FGF12: variants seen among roughly 807,000 people sequenced by gnomAD.
FGF12 encodes the protein fibroblast growth factor 12B.
Under a neutral mutation model 23.6 loss-of-function variants are expected in FGF12, and 14 were observed. That is an observed-to-expected ratio of 0.59 (90% CI 0.39 to 0.93). The LOEUF (loss-of-function observed/expected upper bound fraction) is 0.93. FGF12 is among the 40% of genes least tolerant of loss of function. FGF12 has a pLI of 0.00. For synonymous variants in FGF12, 62 were observed against 77.3 expected (o/e 0.80, Z 1.04); for missense variants, 175 against 217.8 (o/e 0.80, Z 1.24).
intron 2 of FGF12, among the ~76,000 whole-genome samples, chr3:192,677,944 T>C (rs1043591206): frequency 6.6e-6 from 1 of 152,220 alleles, no homozygotes; most frequent in Non-Finnish European, 1.5e-5. Context: ...TAGAAAGTAA[T>C]TGTATTGGTA....
At chr3:192,254,842 CT>C (rs1401391074) in intron 4 of FGF12, among the ~76,000 whole-genome samples, 1 of 152,000 alleles carries the variant, frequency 6.6e-6, no homozygotes, top group Non-Finnish European at 1.5e-5. Flanking sequence ...CAAATAGATC[CT>C]TCCTTAATAT....
At chr3:192,404,865 C>G (rs1349414267) in intron 2 of FGF12, among the ~76,000 whole-genome samples, 1 of 152,186 alleles carries the variant, frequency 6.6e-6, no homozygotes, top group Non-Finnish European at 1.5e-5. Context: ...CCTATGCCTT[C>G]TTCTACAAGT....
chr3:192,412,280 T>C (rs1023651094), intron 2 of FGF12, among the ~76,000 whole-genome samples: 1 of 152,164 alleles, frequency 6.6e-6, no homozygotes, highest in African/African-American at 2.4e-5. Context: ...TTTCTGTAGG[T>C]TTATGAGATA....
chr3:192,452,347 G>A (rs1017085163), intron 2 of FGF12, among the ~76,000 whole-genome samples: 4 of 152,104 alleles, frequency 2.6e-5, no homozygotes, highest in Admixed American at 6.6e-5. Flanking sequence ...CTTTTCTAAG[G>A]ACAAACTCCA....
At chr3:192,277,652 A>ACCAAT (rs1713874722) in intron 4 of FGF12, among the ~76,000 whole-genome samples, 1 of 152,174 alleles carries the variant, frequency 6.6e-6, no homozygotes, top group South Asian at 2.1e-4. Flanking sequence ...CTTTACAGTG[A>ACCAAT]ACATTCTTTC....
intron 5 of FGF12, among the ~76,000 whole-genome samples, chr3:192,169,588 A>G (rs150243943): frequency 6.6e-6 from 1 of 152,160 alleles, no homozygotes; most frequent in Admixed American, 6.6e-5. Flanking sequence ...TTCAGGGGAC[A>G]GCAAGCTTGA....
chr3:192,159,295 C>T (rs1240305380), intron 5 of FGF12, among the ~76,000 whole-genome samples: 1 of 152,178 alleles, frequency 6.6e-6, no homozygotes, highest in Middle Eastern at 3.2e-3. Flanking sequence ...TAGCAGCTTG[C>T]TAGACACTCC....
At chr3:192,677,185 C>T (rs946404206) in intron 2 of FGF12, among the ~76,000 whole-genome samples, 2 of 152,196 alleles carry the variant, frequency 1.3e-5, no homozygotes, top group Admixed American at 1.3e-4. Context: ...CAAACAGTGA[C>T]CTTCCTCCTT....
At chr3:192,438,081 A>G (rs1722082559) in intron 2 of FGF12, among the ~76,000 whole-genome samples, 1 of 152,214 alleles carries the variant, frequency 6.6e-6, no homozygotes. Flanking sequence ...TGCCTTTTGT[A>G]CATATTTTAC....
chr3:192,402,252 C>A (rs1254770973), intron 2 of FGF12, among the ~76,000 whole-genome samples: 1 of 152,210 alleles, frequency 6.6e-6, no homozygotes, highest in East Asian at 1.9e-4. Flanking sequence ...GCCCAAGTCT[C>A]CCAGTGGGTC....
In FGF12 at chr3:192,645,767, TAAA is replaced by T. The variant is rs55809400; in HGVS notation, c.13+81411_13+81413del. 6.7e-3 allele frequency among the ~76,000 whole-genome samples: 473 copies of T among 71,004 alleles called. 5 individuals carry two copies. Among genetic ancestry groups the T allele is most frequent in the African/African-American group, 0.022 (440 of 19,730 alleles). The allele number at this position is 71,004 out of a possible 152,430, so 46.6% of individuals were successfully genotyped here. A position where few individuals can be genotyped will look rare whatever the true frequency, so the allele number is the denominator to read the frequency against. On this transcript the variant is annotated intron_variant, in intron 2 of 5. Transcript: ENST00000445105. ...AGGATACAGCAGTTGACAAAACAGG[TAAA>T]AAAAAAAAAAAAAAAAAAAAAAAAA...
chr3:192,600,984 G>A (rs1050633581), intron 2 of FGF12, among the ~76,000 whole-genome samples: 6 of 151,994 alleles, frequency 3.9e-5, no homozygotes, highest in Admixed American at 1.3e-4. Context: ...CAATATCAAA[G>A]AGACATCTGC....
chr3:192,332,087 ACATT>A (rs1717154719), intron 4 of FGF12, among the ~76,000 whole-genome samples: 2 of 152,156 alleles, frequency 1.3e-5, no homozygotes, highest in South Asian at 2.1e-4. Flanking sequence ...ATTATTCAAA[ACATT>A]CATTAATTTA....
intron 2 of FGF12, among the ~76,000 whole-genome samples, chr3:192,553,837 T>C (rs1446118672): frequency 6.6e-6 from 1 of 152,174 alleles, no homozygotes; most frequent in African/African-American, 2.4e-5. Flanking sequence ...ATCTCCTGCC[T>C]GACTCTAAGC....
At chr3:192,538,419 A>G (rs541658409) in intron 2 of FGF12, among the ~76,000 whole-genome samples, 1 of 152,248 alleles carries the variant, frequency 6.6e-6, no homozygotes, top group African/African-American at 2.4e-5. Flanking sequence ...TTTATGCAAT[A>G]AGTTAACTGT....
At chr3:192,354,408 G>T (rs994834844) in intron 3 of FGF12, among the ~76,000 whole-genome samples, 6 of 151,614 alleles carry the variant, frequency 4.0e-5, no homozygotes, top group African/African-American at 1.2e-4. Context: ...GGAAAGAAAA[G>T]CTGACGGCAG....
intron 2 of FGF12, among the ~76,000 whole-genome samples, chr3:192,449,484 G>T (rs189309065): frequency 2.0e-5 from 3 of 152,238 alleles, no homozygotes; most frequent in Middle Eastern, 3.4e-3. Context: ...CTGCTGTCGG[G>T]TAAGCTCCTG....
At chr3:192,218,303 C>T (rs146345449) in intron 4 of FGF12, among the ~76,000 whole-genome samples, 4 of 152,234 alleles carry the variant, frequency 2.6e-5, no homozygotes, top group African/African-American at 9.6e-5. Flanking sequence ...GCCAGTTGAT[C>T]TGGATTATAT....
At chr3:192,288,420 T>G (rs1560053321) in intron 4 of FGF12, among the ~76,000 whole-genome samples, 1 of 152,110 alleles carries the variant, frequency 6.6e-6, no homozygotes, top group South Asian at 2.1e-4. Context: ...TTCATGAATC[T>G]TCCTTCAAAA....
Sources: gnomAD v4.1 joint callset for allele counts (sites outside exome capture counted in the v4.1 genomes callset) on GRCh38, gnomAD v4.1.1 for gene constraint, MANE v1.5 for transcripts, NCBI Gene and HGNC (gene_info 2026-07-23, HGNC 2026-07-21) for gene names.